DNAH17: variants seen among roughly 807,000 people sequenced by gnomAD.
The protein encoded by DNAH17 is dynein axonemal heavy chain 17, also known as axonemal beta dynein heavy chain 17.
In DNAH17, 376 loss-of-function variants were observed where a neutral mutation model predicts 485.6. That is an observed-to-expected ratio of 0.77 (90% confidence interval 0.71 to 0.84). The LOEUF (loss-of-function observed/expected upper bound fraction) is 0.84. Among genes scored for constraint, DNAH17 ranks in the 40% least tolerant of loss-of-function variants. The probability of loss-of-function intolerance (pLI) is 0.00; values close to 1 mark genes in which losing one functional copy is unlikely to be tolerated. For missense variants in DNAH17, 6,370 were observed against 5,839.3 expected, an observed-to-expected ratio of 1.09 and a Z score of -2.96; for synonymous variants, 3,031 against 2,405.9, an observed-to-expected ratio of 1.26 and a Z score of -7.60.
intron 75 of DNAH17, among the ~76,000 whole-genome samples, chr17:78,432,155 A>G (rs1051825538): frequency 2.6e-5 from 4 of 151,864 alleles, no homozygotes; most frequent in Admixed American, 2.6e-4. Context: ...CTCCTGCCCC[A>G]GTTAACAGTG....
In DNAH17 at chr17:78,560,901, G is replaced by C. The variant is rs374176017; in HGVS notation, c.1870C>G (p.Gln624Glu). Residue 624 changes from glutamine (Q) to glutamate (E), a missense_variant, in exon 13 of 81, where the codon CAG becomes GAG. Gln to Glu is a conservative substitution (Grantham distance 29). Coordinates refer to ENST00000389840, the MANE Select transcript of DNAH17 (RefSeq NM_173628.4). ...MSGAEAKLTY[Q>E]KYDEMMELLR... is the part of the protein sequence containing the mutation. ...AGCTCCATCATCTCGTCATACTTCTGATAGGTCAGCTTGGCCTCTGCTCCA... is the reference window on the plus strand; with the variant it reads ...AGCTCCATCATCTCGTCATACTTCTCATAGGTCAGCTTGGCCTCTGCTCCA... The C allele has an allele frequency of 6.4e-6, 10 of 1,551,096 alleles. No individual in the cohort carries two copies. The highest frequency in any genetic ancestry group is 8.7e-7 in the Non-Finnish European group (1 of 1,147,106).
At chr17:78,503,162 G>A in intron 31 of DNAH17, 151 bp from the exon 32 acceptor site, 1 of 361,296 alleles carries the variant, frequency 2.8e-6, no homozygotes, top group South Asian at 4.0e-5. Context: ...CAGTAACAGT[G>A]ACACACCTTT....
In DNAH17 at chr17:78,574,713, C is replaced by G. The variant is rs1488194182; in HGVS notation, c.345G>C (p.Glu115Asp). The G allele has an allele frequency of 1.3e-6, 2 of 1,597,644 alleles. No individual in the cohort carries two copies. Among genetic ancestry groups the G allele is most frequent in the Admixed American group, 3.4e-5 (2 of 59,036 alleles). The change falls in exon 2 of 81, where the codon GAG becomes GAC. Residue 115 changes from glutamate to aspartate, a missense_variant and splice_region_variant. By Grantham distance (45) the Glu-to-Asp change is conservative. Transcript: ENST00000389840. ...CGGATGGCAGCCTGGACGCACTCAC[C>G]TCCTCCACCACCGCGATCAGCTGGT... is the stretch of plus-strand genomic sequence containing the variant. The part of the protein sequence containing the change: ...PVDQLIAVVE[E>D]VLSSLLNQSE...
chr17:78,549,439 C>T (rs749882522), intron 16 of DNAH17, among the ~76,000 whole-genome samples: 11 of 152,208 alleles, frequency 7.2e-5, no homozygotes, highest in Non-Finnish European at 1.3e-4. Context: ...CGGAGGTCAC[C>T]TTTGCTTTTC....
chr17:78,477,042 G>A lies in DNAH17; in HGVS notation c.7993-309C>T, dbSNP rs115680967. On this transcript the variant is annotated intron_variant, in intron 51 of 80. Coordinates refer to ENST00000389840, the MANE Select transcript of DNAH17 (RefSeq NM_173628.4). Reference sequence around the variant, plus strand: ...AGGCTAATTGCAAAGGAAAGCAGGTGACCGATGCCATAGGGCAGGTCACAA... The same window carrying A: ...AGGCTAATTGCAAAGGAAAGCAGGTAACCGATGCCATAGGGCAGGTCACAA... 2.3e-3 allele frequency among the ~76,000 whole-genome samples: 354 copies of A among 152,342 alleles called. 2 individuals carry two copies. Among genetic ancestry groups the A allele is most frequent in the African/African-American group, 8.2e-3 (339 of 41,570 alleles).
chr17:78,479,154 C>T, intron 50 of DNAH17, 38 bp from the exon 51 acceptor site: 1 of 1,596,492 alleles, frequency 6.3e-7, no homozygotes, highest in Non-Finnish European at 8.6e-7. Flanking sequence ...CTCATGTACT[C>T]TTGATGGCCC....
At chr17:78,463,161 C>A (rs2146541076) in intron 56 of DNAH17, 84 bp from the exon 57 acceptor site, 1 of 1,321,552 alleles carries the variant, frequency 7.6e-7, no homozygotes, top group Non-Finnish European at 1.1e-6. Context: ...ACCAGGGGCC[C>A]TGGACAAGGT....
rs538398524 is a variant in DNAH17 at position 78,484,684 on chromosome 17, C to T, written c.7649+184G>A. On this transcript the variant is annotated intron_variant, in intron 48 of 80. Coordinates refer to ENST00000389840, the MANE Select transcript of DNAH17 (RefSeq NM_173628.4). The stretch of plus-strand genomic sequence containing the variant: ...CTGGCCCTACCTCAATGCCTTGTGG[C>T]CCCACAAACTTGGGGGCCCAGCTAC... 4.3e-3 allele frequency: 1,786 copies of T among 416,984 alleles called. 9 individuals are homozygous for T. The highest frequency in any genetic ancestry group is 5.3e-3 in the Non-Finnish European group (1,280 of 239,870). 25.8% of individuals were successfully genotyped at this position (416,984 alleles called of 1,614,324 possible).
chr17:78,554,473 G>GAAAAA (rs1568246690), intron 14 of DNAH17, among the ~76,000 whole-genome samples: 86 of 124,828 alleles, frequency 6.9e-4, no homozygotes, highest in Admixed American at 9.4e-4. Context: ...AAAAAAAAAG[G>GAAAAA]ATAGGTTCTA....
chr17:78,479,083 G>C lies in DNAH17; in HGVS notation c.7934C>G (p.Pro2645Arg). ...LHQKITATFL[P>R]TAIKFHYVFN... ...GACATAATGAAACTTAATGGCCGTG[G>C]GAAGAAATGTTGCCGTGATTTTCTG... The change falls in exon 51 of 81, where the codon CCC becomes CGC. Residue 2645 changes from proline (P) to arginine (R), a missense_variant. By Grantham distance (103) the Pro-to-Arg change is moderately radical. Coordinates refer to ENST00000389840, the MANE Select transcript of DNAH17 (RefSeq NM_173628.4). 6.2e-7 allele frequency: 1 copy of C among 1,614,028 alleles called. No individual in the cohort carries two copies. The highest frequency in any genetic ancestry group is 8.5e-7 in the Non-Finnish European group (1 of 1,179,892).
Position 78,429,165 on chromosome 17 carries a change from G to A in DNAH17, c.12361C>T (p.Leu4121=), listed in dbSNP as rs1250469399. 1.9e-6 allele frequency: 3 copies of A among 1,613,602 alleles called. No individual in the cohort carries two copies. Among genetic ancestry groups the A allele is most frequent in the South Asian group, 1.1e-5 (1 of 91,078 alleles). Residue 4121 remains leucine, a synonymous_variant, in exon 76 of 81, where the codon CTG becomes TTG. Coordinates refer to ENST00000389840, the MANE Select transcript of DNAH17 (RefSeq NM_173628.4). ...GGGATCTGAAAGCCGGGGGCCAGCA[G>A]GACGTCTCCCTCCAGCATCTCCGTC... The part of the protein sequence containing the change: ...IRTEMLEGDV[L]LAPGFQIPPN...
At chr17:78,461,159 C>T (rs1173710540) in intron 58 of DNAH17, among the ~76,000 whole-genome samples, 2 of 152,154 alleles carry the variant, frequency 1.3e-5, no homozygotes. Flanking sequence ...GACCAGGCTC[C>T]AGTGAGGTCT....
intron 25 of DNAH17, among the ~76,000 whole-genome samples, chr17:78,519,060 C>T (rs546642169): frequency 1.4e-5 from 2 of 147,516 alleles, no homozygotes; most frequent in South Asian, 2.2e-4. Flanking sequence ...CCCAGATACT[C>T]GGGAGGCTGA....
Position 78,458,575 on chromosome 17 carries a change from G to A in DNAH17, c.9967C>T (p.Leu3323=), listed in dbSNP as rs555536595. 2.5e-6 allele frequency: 4 copies of A among 1,613,890 alleles called. No homozygotes were observed. Among genetic ancestry groups the A allele is most frequent in the East Asian group, 2.2e-5 (1 of 44,890 alleles). ...GGGAGGAGCTGATACCTGTTCGCCAGTAAGATCACCCTGTTCGTGGCATCG... is the reference window on the plus strand; with the variant it reads ...GGGAGGAGCTGATACCTGTTCGCCAATAAGATCACCCTGTTCGTGGCATCG... ...EADATNRVIL[L]ANRLVGGLAS... Residue 3323 remains leucine (L), a synonymous_variant, in exon 62 of 81, where the codon CTG becomes TTG. Transcript: ENST00000389840.
Position 78,569,468 on chromosome 17 carries a change from T to C in DNAH17, c.1104A>G (p.Glu368=), listed in dbSNP as rs2092318639. The change falls in exon 8 of 81, where the codon GAA becomes GAG. Residue 368 remains glutamate (E), a synonymous_variant. Coordinates refer to ENST00000389840, the MANE Select transcript of DNAH17 (RefSeq NM_173628.4). ...CAGCCAGGGAGATGCCACTCAGGAC[T>C]TCCTCGATTTCACCTTGCAGGCCCT... ...VLKGLQGEIE[E]VLSGISLAVN... 6 of 1,611,542 alleles carry C rather than the reference T, an allele frequency of 3.7e-6. No homozygotes were observed. Among genetic ancestry groups the C allele is most frequent in the Non-Finnish European group, 5.1e-6 (6 of 1,178,788 alleles).
intron 16 of DNAH17, among the ~76,000 whole-genome samples, chr17:78,548,273 C>G (rs541189141): frequency 7.4e-6 from 1 of 134,310 alleles, no homozygotes; most frequent in African/African-American, 2.9e-5. Flanking sequence ...GGCACGATCT[C>G]GGCTCACTGC....
chr17:78,460,319 T>TGTGTGC (rs2088039298), intron 58 of DNAH17, 62 bp from the exon 59 acceptor site: 6 of 1,441,410 alleles, frequency 4.2e-6, no homozygotes, highest in East Asian at 2.5e-5. Context: ...TGGGGGCGTG[T>TGTGTGC]ACGTGCATGT....
chr17:78,438,429 A>AGGAGGAGGAGGAGGAGGAGGAG (rs1568050656), intron 73 of DNAH17, among the ~76,000 whole-genome samples: 11 of 4,962 alleles, frequency 2.2e-3, no homozygotes, highest in Non-Finnish European at 2.3e-3. Context: ...GAGGAGAAGG[A>AGGAGGAGGAGGAGGAGGAGGAG]GGAGGAGGAG....
At chr17:78,531,224 G>T (rs2091227524) in intron 20 of DNAH17, among the ~76,000 whole-genome samples, 1 of 152,056 alleles carries the variant, frequency 6.6e-6, no homozygotes, top group Non-Finnish European at 1.5e-5. Context: ...GGGTGCTCTG[G>T]TGCTGGGCGC....
Sources: gnomAD v4.1 joint callset for allele counts (sites outside exome capture counted in the v4.1 genomes callset) on GRCh38, gnomAD v4.1.1 for gene constraint, MANE v1.5 for transcripts, NCBI Gene and HGNC (gene_info 2026-07-23, HGNC 2026-07-21) for gene names.